WDR3: variants seen among roughly 807,000 people sequenced by gnomAD.
WDR3 encodes the protein WD repeat-containing protein 3.
In WDR3, 81 loss-of-function variants were observed where a neutral mutation model predicts 123.7. The observed-to-expected ratio is 0.65, with a 90% CI of 0.55 to 0.79. The LOEUF (loss-of-function observed/expected upper bound fraction) is 0.79, where lower values mean the gene tolerates loss of function less well. WDR3 is among the 30% of genes least tolerant of loss of function. The pLI, the probability that WDR3 is intolerant of heterozygous loss-of-function variation, is 0.00. For missense variants in WDR3, 1,027 were observed against 1,123.2 expected (o/e 0.91, Z 1.22); for synonymous variants, 390 against 388.8 (o/e 1.00, Z -0.04).
chr1:117,959,251 G>A, intron 26 of WDR3, 41 bp from the exon 27 acceptor site: 1 of 1,591,998 alleles, frequency 6.3e-7, no homozygotes, highest in Non-Finnish European at 8.5e-7. Context: ...ATGAATTGAA[G>A]TGGGAGAAAA....
chr1:117,948,592 GTT>G (rs11370392), intron 13 of WDR3, 86 bp downstream of exon 13: 1,602 of 566,568 alleles, frequency 2.8e-3, no homozygotes, highest in Middle Eastern at 5.6e-3. Flanking sequence ...AAAGCCTGAG[GTT>G]TTTTTTTTTT....
At chr1:117,931,420 A>G (rs1650731214) in intron 1 of WDR3, among the ~76,000 whole-genome samples, 1 of 152,244 alleles carries the variant, frequency 6.6e-6, no homozygotes, top group African/African-American at 2.4e-5. Context: ...TTCAAAGGTT[A>G]TTAAATGGTT....
At chr1:117,942,892 T>G (rs1184994212) in intron 10 of WDR3, among the ~76,000 whole-genome samples, 1 of 141,556 alleles carries the variant, frequency 7.1e-6, no homozygotes, top group Non-Finnish European at 1.5e-5. Flanking sequence ...GAGCCTAGTT[T>G]TTTTTTTTTT....
In WDR3 at chr1:117,936,903, T is replaced by C. The variant is rs1302087248; in HGVS notation, c.500+16T>C. The C allele has an allele frequency of 6.3e-7, 1 of 1,592,512 alleles. No homozygotes were observed. Among genetic ancestry groups the C allele is most frequent in the Non-Finnish European group, 8.6e-7 (1 of 1,163,980 alleles). ...TAGTTACTAGGTAAAGAAATAATGG[T>C]TTAATTTCCAGTTATTTTCTAGGAA... On this transcript the variant is annotated intron_variant, in intron 4 of 26. Coordinates refer to ENST00000349139, the MANE Select transcript of WDR3 (RefSeq NM_006784.3).
At position 117,962,177 on chromosome 1, in the gene WDR3, T is replaced by C. The variant is rs553705230; in HGVS notation, c.*2730T>C. ...AGATGTTTCTGTCTGCTAAGTGTTA[T>C]ACTAATCGAAGAGAAGGAGAACTTT... On this transcript the variant is annotated 3_prime_UTR_variant, in exon 27 of 27. Transcript: ENST00000349139. 5 of 152,180 alleles carry C rather than the reference T, an allele frequency of 3.3e-5. No homozygotes were observed. The highest frequency in any genetic ancestry group is 4.8e-5 in the African/African-American group (2 of 41,436). The allele number at this position is 152,180 out of a possible 1,614,324, so 9.4% of individuals were successfully genotyped here.
chr1:117,952,694 C>A, intron 19 of WDR3, 32 bp downstream of exon 19: 1 of 1,606,612 alleles, frequency 6.2e-7, no homozygotes, highest in South Asian at 1.1e-5. Context: ...ACAAATATGC[C>A]AGTAGGTATC....
rs1652756034 is a variant in WDR3, at chr1:117,959,581, G to T, written c.*134G>T. On this transcript the variant is annotated 3_prime_UTR_variant, in exon 27 of 27. Transcript: ENST00000349139. ...GCATTGCAGATGATATCAGGATGTGGTTTCCAGCTTTGCCTGAGGGAATTC... is the reference window on the plus strand; with the variant it reads ...GCATTGCAGATGATATCAGGATGTGTTTTCCAGCTTTGCCTGAGGGAATTC... 2.0e-6 allele frequency: 2 copies of T among 997,870 alleles called. No individual in the cohort carries two copies. The highest frequency in any genetic ancestry group is 3.2e-4 in the Middle Eastern group (1 of 3,096). 61.8% of individuals were successfully genotyped at this position (997,870 alleles called of 1,614,324 possible).
At chr1:117,947,452 A>G (rs1358235519) in intron 12 of WDR3, among the ~76,000 whole-genome samples, 1 of 152,224 alleles carries the variant, frequency 6.6e-6, no homozygotes, top group Non-Finnish European at 1.5e-5. Flanking sequence ...GCCAGGAAAC[A>G]GTATTCACAT....
At chr1:117,938,896 G>C (rs909038252) in intron 5 of WDR3, among the ~76,000 whole-genome samples, 1 of 152,172 alleles carries the variant, frequency 6.6e-6, no homozygotes, top group Non-Finnish European at 1.5e-5. Flanking sequence ...GCACGTGGTA[G>C]CTGTTAAAAT....
At chr1:117,933,239 T>C in intron 1 of WDR3, 49 bp from the exon 2 acceptor site, 1 of 1,529,126 alleles carries the variant, frequency 6.5e-7, no homozygotes, top group East Asian at 2.3e-5. Context: ...ACTAACCTAG[T>C]AGAACCAAGG....
At chr1:117,941,260 T>C in intron 8 of WDR3, 35 bp downstream of exon 8, 2 of 1,587,114 alleles carry the variant, frequency 1.3e-6, no homozygotes, top group Non-Finnish European at 8.6e-7. Flanking sequence ...TAACAAGGAC[T>C]AGGCTGTTCC....
intron 1 of WDR3, among the ~76,000 whole-genome samples, chr1:117,932,860 A>G (rs1291985431): frequency 6.6e-6 from 1 of 152,126 alleles, no homozygotes; most frequent in Admixed American, 6.5e-5. Flanking sequence ...GTAAATAAAG[A>G]TTAAGAAGTC....
chr1:117,936,918 T>G, intron 4 of WDR3, 31 bp downstream of exon 4: 2 of 1,583,956 alleles, frequency 1.3e-6, no homozygotes, highest in Non-Finnish European at 1.7e-6. Flanking sequence ...TTTCCAGTTA[T>G]TTTCTAGGAA....
chr1:117,959,102 AC>A (rs1279699137), intron 26 of WDR3, 99 bp downstream of exon 26: 1 of 1,314,672 alleles, frequency 7.6e-7, no homozygotes, highest in African/African-American at 1.5e-5. Context: ...AATACCCACC[AC>A]CGATAAATCC....
intron 12 of WDR3, among the ~76,000 whole-genome samples, chr1:117,948,126 G>A (rs540700747): frequency 1.3e-5 from 2 of 152,300 alleles, no homozygotes; most frequent in South Asian, 2.1e-4. Context: ...GTGAAGTTGT[G>A]TAACCAATGA....
chr1:117,933,580 A>G, intron 2 of WDR3, 90 bp downstream of exon 2: 1 of 1,559,720 alleles, frequency 6.4e-7, no homozygotes, highest in East Asian at 2.3e-5. Flanking sequence ...TTTATTTATC[A>G]TGAGTTTTTT....
rs535696023 is a variant in WDR3, at chr1:117,938,730, C to T, written c.579+172C>T. ...ATGGAAGCAATGCCAGCCATTGGAG[C>T]AGATACTGCTGCTCTGACATGTAGT... On this transcript the variant is annotated intron_variant, in intron 5 of 26. Transcript: ENST00000349139. Among the ~76,000 whole-genome samples the T allele has an allele frequency of 6.2e-4, 95 of 152,302 alleles. No homozygotes were observed. In the Middle Eastern group the frequency reaches 0.017, roughly 27 times the overall value.
At position 117,942,406 on chromosome 1, in the gene WDR3, G is replaced by A. The variant is rs368451376; in HGVS notation, c.990-31G>A. 13 of 1,583,510 alleles carry A rather than the reference G, an allele frequency of 8.2e-6. No homozygotes were observed. The African/African-American group carries it at 1.6e-4, about 20-fold the overall frequency. On this transcript the variant is annotated intron_variant, in intron 9 of 26. Transcript: ENST00000349139. The stretch of plus-strand genomic sequence containing the variant: ...AGCAAAGCTGCTTCTAGAAAAATAA[G>A]AGCATGATATACTTTTCTTCTTCCC...
In WDR3 at chr1:117,959,373, G is replaced by A; in HGVS notation, c.2758G>A (p.Asp920Asn). The A allele has an allele frequency of 6.2e-7, 1 of 1,613,942 alleles. No homozygotes were observed. Among genetic ancestry groups the A allele is most frequent in the Non-Finnish European group, 8.5e-7 (1 of 1,179,922 alleles). ...EAKSEVMFFA[D>N]ATSHLEEKKR... ...AAAAAGTGAAGTTATGTTTTTTGCTGATGCTACTAGCCACTTGGAAGAGAA... is the reference window on the plus strand; with the variant it reads ...AAAAAGTGAAGTTATGTTTTTTGCTAATGCTACTAGCCACTTGGAAGAGAA... Residue 920 changes from aspartate to asparagine, a missense_variant, in exon 27 of 27, where the codon GAT (aspartate) becomes AAT (asparagine). Transcript: ENST00000349139.
Sources: allele counts gnomAD v4.1 joint callset (sites outside exome capture counted in the v4.1 genomes callset), GRCh38; gene constraint gnomAD v4.1.1; transcripts MANE v1.5; gene names NCBI Gene and HGNC (gene_info 2026-07-23, HGNC 2026-07-21).